The following LPP variants were observed in gnomAD, a reference collection of about 807,000 sequenced individuals.
The protein encoded by LPP is LIM domain containing preferred translocation partner in lipoma, also known as lipoma-preferred partner.
Under a neutral mutation model 60.4 loss-of-function variants are expected in LPP, and 38 were observed. The ratio of observed to expected loss-of-function variants is 0.63; its 90% confidence interval spans 0.49 to 0.83. The LOEUF (loss-of-function observed/expected upper bound fraction) is 0.83, where lower values mean the gene tolerates loss of function less well. Ranked by LOEUF, LPP falls within the 40% of genes least tolerant of loss-of-function variation. The probability of loss-of-function intolerance (pLI) is 0.00; values close to 1 mark genes in which losing one functional copy is unlikely to be tolerated. For missense variants in LPP, 902 were observed against 783.6 expected (o/e 1.15, Z -1.80); for synonymous variants, 328 against 290.8 (o/e 1.13, Z -1.30).
intron 2 of LPP, among the ~76,000 whole-genome samples, chr3:188,290,133 C>T (rs562728639): frequency 3.3e-5 from 5 of 151,994 alleles, no homozygotes; most frequent in South Asian, 2.1e-4. Context: ...CCACCATGCC[C>T]GACTAATTTA....
intron 3 of LPP, among the ~76,000 whole-genome samples, chr3:188,389,453 C>T (rs909061026): frequency 2.4e-4 from 36 of 152,250 alleles, no homozygotes; most frequent in Non-Finnish European, 4.1e-4. Flanking sequence ...CTGTGCTTGA[C>T]CTCCTGCTTA....
chr3:188,575,813 A>G (rs1363305088), intron 6 of LPP, among the ~76,000 whole-genome samples: 1 of 152,100 alleles, frequency 6.6e-6, no homozygotes, highest in Non-Finnish European at 1.5e-5. Context: ...GGTTCTCACC[A>G]GTTGTTCCTG....
intron 6 of LPP, among the ~76,000 whole-genome samples, chr3:188,585,357 T>C (rs545533428): frequency 1.5e-3 from 224 of 152,344 alleles, no homozygotes; most frequent in Non-Finnish European, 2.4e-3. Flanking sequence ...TGTTGGGATC[T>C]ATCAGTTTAT....
intron 9 of LPP, among the ~76,000 whole-genome samples, chr3:188,855,812 G>A (rs1303406524): frequency 6.6e-6 from 1 of 152,160 alleles, no homozygotes; most frequent in Non-Finnish European, 1.5e-5. Context: ...TAGGCCCAGG[G>A]AGGAAATGCT....
chr3:188,248,470 A>ATATATATAGT (rs1321559507), intron 2 of LPP, among the ~76,000 whole-genome samples: 1 of 117,938 alleles, frequency 8.5e-6, no homozygotes, highest in Non-Finnish European at 1.7e-5. Context: ...GTATAACTTT[A>ATATATATAGT]TATATATATA....
chr3:188,322,211 T>C (rs1050105634), intron 2 of LPP, among the ~76,000 whole-genome samples: 9 of 152,248 alleles, frequency 5.9e-5, no homozygotes, highest in African/African-American at 1.9e-4. Flanking sequence ...AAGGCAAGTT[T>C]AAGCTTGGAC....
chr3:188,576,381 TTGA>T (rs1834620886), intron 6 of LPP, among the ~76,000 whole-genome samples: 1 of 152,170 alleles, frequency 6.6e-6, no homozygotes, highest in Non-Finnish European at 1.5e-5. Flanking sequence ...TGGTAGAATG[TTGA>T]GTGGTTCATT....
intron 8 of LPP, chr3:188,725,124 G>A (rs1429651742): frequency 1.3e-5 from 2 of 152,186 alleles, no homozygotes; most frequent in African/African-American, 4.8e-5. Context: ...TGGATGTGTG[G>A]TGTCTTTAGG....
intron 8 of LPP, among the ~76,000 whole-genome samples, chr3:188,755,288 A>AT (rs1729768545): frequency 6.6e-6 from 1 of 152,146 alleles, no homozygotes; most frequent in African/African-American, 2.4e-5. Context: ...ATGGTGAATA[A>AT]TGGGAAAGTT....
At chr3:188,855,549 G>T (rs1763641044) in intron 9 of LPP, among the ~76,000 whole-genome samples, 1 of 152,206 alleles carries the variant, frequency 6.6e-6, no homozygotes, top group South Asian at 2.1e-4. Context: ...TTTGGGGGAT[G>T]TCTATGGGAG....
chr3:188,874,229 C>A, intron 11 of LPP, 122 bp from the exon 12 acceptor site: 2 of 754,548 alleles, frequency 2.7e-6, no homozygotes, highest in Non-Finnish European at 2.1e-6. Context: ...GAATGTAAAG[C>A]AGGAAGGATA....
intron 6 of LPP, among the ~76,000 whole-genome samples, chr3:188,545,612 T>C (rs1826424939): frequency 6.6e-6 from 1 of 152,172 alleles, no homozygotes; most frequent in African/African-American, 2.4e-5. Context: ...GCTTTACTCA[T>C]GGCTGGCAGT....
intron 7 of LPP, among the ~76,000 whole-genome samples, chr3:188,618,267 A>G (rs1387105773): frequency 6.6e-6 from 1 of 152,242 alleles, no homozygotes; most frequent in African/African-American, 2.4e-5. Flanking sequence ...ACTTCAGAGA[A>G]TGATCTTCAA....
intron 7 of LPP, among the ~76,000 whole-genome samples, chr3:188,697,859 A>C (rs774920948): frequency 1.4e-5 from 2 of 146,868 alleles, no homozygotes; most frequent in South Asian, 4.1e-4. Flanking sequence ...TGTAATTATC[A>C]GATGTACTAT....
chr3:188,296,068 ACTGTAC>A (rs1747774942), intron 2 of LPP, among the ~76,000 whole-genome samples: 1 of 152,180 alleles, frequency 6.6e-6, no homozygotes. Flanking sequence ...GAGACTGATG[ACTGTAC>A]CTATTTCCTA....
chr3:188,874,265 T>A (rs1402673776), intron 11 of LPP, 86 bp from the exon 12 acceptor site: 1 of 1,374,670 alleles, frequency 7.3e-7, no homozygotes, highest in African/African-American at 1.4e-5. Context: ...ATGGAGGCCT[T>A]GAATAGAAAG....
At chr3:188,873,784 C>G (rs1488194203) in intron 11 of LPP, among the ~76,000 whole-genome samples, 2 of 152,260 alleles carry the variant, frequency 1.3e-5, no homozygotes, top group Non-Finnish European at 2.9e-5. Flanking sequence ...TTAGAAAGTA[C>G]AGCAAACCAC....
At chr3:188,793,246 G>A (rs551817629) in intron 9 of LPP, among the ~76,000 whole-genome samples, 38 of 149,712 alleles carry the variant, frequency 2.5e-4, no homozygotes, top group Admixed American at 4.0e-4. Flanking sequence ...GCAGTGGCAC[G>A]ATCTCTGTTC....
chr3:188,665,211 T>C (rs1327346361), intron 7 of LPP, among the ~76,000 whole-genome samples: 1 of 152,194 alleles, frequency 6.6e-6, no homozygotes, highest in African/African-American at 2.4e-5. Context: ...GTAAAGTATA[T>C]GCCCCTTTTC....
Sources: gnomAD v4.1 joint callset for allele counts (sites outside exome capture counted in the v4.1 genomes callset) on GRCh38, gnomAD v4.1.1 for gene constraint, MANE v1.5 for transcripts, NCBI Gene and HGNC (gene_info 2026-07-23, HGNC 2026-07-21) for gene names.